The following LRMDA variants were observed in gnomAD, a reference collection of about 807,000 sequenced individuals.
LRMDA encodes the protein leucine rich melanocyte differentiation associated.
A neutral mutation model predicts 29.8 loss-of-function variants in LRMDA; 18 were observed. The ratio of observed to expected loss-of-function variants is 0.60; its 90% CI spans 0.42 to 0.90. LRMDA has a LOEUF of 0.90. LRMDA is among the 40% of genes least tolerant of loss of function. LRMDA has a pLI of 0.00. For synonymous variants in LRMDA, 125 were observed against 109.4 expected, an observed-to-expected ratio of 1.14 and a Z score of -0.89; for missense variants, 273 against 273.9, an observed-to-expected ratio of 1.00 and a Z score of 0.02.
intron 6 of LRMDA, among the ~76,000 whole-genome samples, chr10:76,344,338 C>T (rs1350459637): frequency 1.3e-5 from 2 of 151,736 alleles, no homozygotes; most frequent in African/African-American, 4.8e-5. Context: ...CAAAAATATA[C>T]AATATCTCCA....
At chr10:76,048,308 A>G (rs1848474954) in intron 4 of LRMDA, among the ~76,000 whole-genome samples, 1 of 152,158 alleles carries the variant, frequency 6.6e-6, no homozygotes, top group African/African-American at 2.4e-5. Context: ...GAAGCCAACC[A>G]TGTAGGCAAG....
At chr10:75,508,000 A>G (rs1589164075) in intron 2 of LRMDA, among the ~76,000 whole-genome samples, 1 of 152,332 alleles carries the variant, frequency 6.6e-6, no homozygotes, top group African/African-American at 2.4e-5. Flanking sequence ...TGCCAAAGTG[A>G]CACATGCAGA....
At chr10:76,002,869 C>T (rs778883236) in intron 2 of LRMDA, among the ~76,000 whole-genome samples, 1 of 152,188 alleles carries the variant, frequency 6.6e-6, no homozygotes, top group African/African-American at 2.4e-5. Flanking sequence ...GAGGCCCAGC[C>T]TTCTGGGCCT....
At chr10:75,834,527 C>T (rs890039992) in intron 2 of LRMDA, among the ~76,000 whole-genome samples, 2 of 152,128 alleles carry the variant, frequency 1.3e-5, no homozygotes, top group Admixed American at 6.5e-5. Flanking sequence ...TAATTAACAT[C>T]CCTTCCCTCC....
intron 2 of LRMDA, among the ~76,000 whole-genome samples, chr10:75,916,164 A>ATGTGTGTG (rs34666507): frequency 0.013 from 1,640 of 124,468 alleles, 31 homozygotes; most frequent in African/African-American, 0.034. Context: ...TGCCAGGCCT[A>ATGTGTGTG]TGTGTGTGTG....
intron 2 of LRMDA, among the ~76,000 whole-genome samples, chr10:75,656,520 T>C (rs1267374936): frequency 6.6e-6 from 1 of 152,182 alleles, no homozygotes; most frequent in African/African-American, 2.4e-5. Context: ...TTTTAAACTC[T>C]TTTGTAAGGC....
chr10:75,452,629 C>T (rs886448279), intron 2 of LRMDA, among the ~76,000 whole-genome samples: 32 of 150,116 alleles, frequency 2.1e-4, no homozygotes, highest in Non-Finnish European at 4.1e-4. Flanking sequence ...CTTACCACCA[C>T]CCTAGGTTAT....
At chr10:75,582,408 G>C (rs1382742138) in intron 2 of LRMDA, among the ~76,000 whole-genome samples, 1 of 152,210 alleles carries the variant, frequency 6.6e-6, no homozygotes, top group Non-Finnish European at 1.5e-5. Flanking sequence ...AACTGCCAAG[G>C]CTTATGGCTT....
At chr10:75,847,657 A>G (rs890306566) in intron 2 of LRMDA, among the ~76,000 whole-genome samples, 1 of 152,208 alleles carries the variant, frequency 6.6e-6, no homozygotes, top group Non-Finnish European at 1.5e-5. Flanking sequence ...TAACAAAAAG[A>G]TGACCTCATT....
intron 2 of LRMDA, among the ~76,000 whole-genome samples, chr10:75,791,962 C>T (rs746297207): frequency 2.7e-5 from 4 of 149,692 alleles, no homozygotes; most frequent in Admixed American, 1.3e-4. Flanking sequence ...CAGGTTCACG[C>T]CATTCTCCTG....
At chr10:75,858,603 C>G (rs1460216381) in intron 2 of LRMDA, among the ~76,000 whole-genome samples, 1 of 152,158 alleles carries the variant, frequency 6.6e-6, no homozygotes, top group African/African-American at 2.4e-5. Context: ...ACAGTCCTTG[C>G]TCTACATTGT....
chr10:75,839,700 C>CTTTTTTTTT (rs1160178913), intron 2 of LRMDA, among the ~76,000 whole-genome samples: 1 of 82,782 alleles, frequency 1.2e-5, no homozygotes, highest in African/African-American at 6.5e-5. Context: ...ATCCGACTTT[C>CTTTTTTTTT]TTTTTTTTTT....
At chr10:76,218,430 T>G (rs934264047) in intron 5 of LRMDA, among the ~76,000 whole-genome samples, 1 of 152,218 alleles carries the variant, frequency 6.6e-6, no homozygotes, top group Non-Finnish European at 1.5e-5. Context: ...AGTTCTTCCC[T>G]GCAATGCAGG....
intron 2 of LRMDA, among the ~76,000 whole-genome samples, chr10:75,769,557 A>G (rs950921991): frequency 4.0e-5 from 6 of 151,770 alleles, no homozygotes; most frequent in African/African-American, 1.2e-4. Context: ...CATCATTATT[A>G]TAAGTATGGT....
At chr10:75,524,458 G>C (rs750014807) in intron 2 of LRMDA, among the ~76,000 whole-genome samples, 3 of 152,096 alleles carry the variant, frequency 2.0e-5, no homozygotes, top group Non-Finnish European at 4.4e-5. Flanking sequence ...TTAGGGTCTT[G>C]GTGATGTAAT....
At chr10:76,403,439 C>T (rs1841870272) in intron 6 of LRMDA, 1 of 151,996 alleles carries the variant, frequency 6.6e-6, no homozygotes, top group Non-Finnish European at 1.5e-5. Context: ...CTTGCATGCC[C>T]ATTCTGTGGA....
chr10:76,327,078 T>TA (rs1389411485), intron 6 of LRMDA, among the ~76,000 whole-genome samples: 1 of 146,538 alleles, frequency 6.8e-6, no homozygotes, highest in East Asian at 2.0e-4. Flanking sequence ...GAGGCAGCAG[T>TA]AAGTCCAAAT....
intron 2 of LRMDA, among the ~76,000 whole-genome samples, chr10:75,679,597 TGTG>T (rs1201980940): frequency 1.3e-5 from 2 of 151,610 alleles, no homozygotes; most frequent in African/African-American, 4.8e-5. Flanking sequence ...GAGAGTGACA[TGTG>T]GTGTACATGC....
chr10:75,644,929 G>A (rs934700512), intron 2 of LRMDA, among the ~76,000 whole-genome samples: 2 of 151,754 alleles, frequency 1.3e-5, no homozygotes, highest in African/African-American at 4.8e-5. Context: ...CTTAGGAGTG[G>A]TGTCTATTCA....
Sources: allele counts gnomAD v4.1 joint callset (sites outside exome capture counted in the v4.1 genomes callset), GRCh38; gene constraint gnomAD v4.1.1; transcripts MANE v1.5; gene names NCBI Gene and HGNC (gene_info 2026-07-23, HGNC 2026-07-21).